The following FGFR4 variants were observed in gnomAD, a reference collection of about 807,000 sequenced individuals.
FGFR4 encodes the protein fibroblast growth factor receptor 4.
In FGFR4, 63 loss-of-function variants were observed where a neutral mutation model predicts 89.9. The ratio of observed to expected loss-of-function variants is 0.70; its 90% CI spans 0.57 to 0.86. The LOEUF is 0.86. Ranked by LOEUF, FGFR4 falls within the 40% of genes least tolerant of loss-of-function variation. FGFR4 has a pLI of 0.00. For missense variants in FGFR4, 928 were observed against 1,106.7 expected (o/e 0.84, Z 2.29); for synonymous variants, 486 against 479.4 (o/e 1.01, Z -0.18).
In FGFR4 at chr5:177,090,549, G is replaced by A. The variant is rs770732286; in HGVS notation, c.251G>A (p.Gly84Asp). The A allele has an allele frequency of 2.6e-6, 4 of 1,530,820 alleles. No homozygotes were observed. The highest frequency in any genetic ancestry group is 3.5e-6 in the Non-Finnish European group (4 of 1,141,010). 94.8% of individuals were successfully genotyped at this position (1,530,820 alleles called of 1,614,324 possible). ...GCTGGCCGTGTACGGGGCTGGAGGG[G>A]CCGCCTAGAGATTGCCAGCTTCCTA... The part of the protein sequence containing the change: ...APAGRVRGWR[G>D]RLEIASFLPE... Residue 84 changes from glycine to aspartate, a missense_variant, in exon 3 of 18, where the codon GGC becomes GAC. Gly to Asp is a moderately conservative substitution (Grantham distance 94, BLOSUM62 -1). This residue lies in a region of FGFR4 where 741 missense variants were observed against 836.9 expected (regional missense o/e 0.89). Coordinates refer to ENST00000292408, the MANE Select transcript of FGFR4 (RefSeq NM_213647.3).
intron 1 of FGFR4, among the ~76,000 whole-genome samples, chr5:177,088,685 G>A (rs1784240595): frequency 6.6e-6 from 1 of 152,204 alleles, no homozygotes; most frequent in Non-Finnish European, 1.5e-5. Context: ...ATAGCCAGCT[G>A]GGGTGTGTGT....
chr5:177,092,577 C>T (rs1302024019), intron 7 of FGFR4, 66 bp downstream of exon 7: 6 of 1,567,772 alleles, frequency 3.8e-6, no homozygotes, highest in African/African-American at 1.4e-5. Context: ...GGGGGCTCCC[C>T]AGCTTCCCTG....
Position 177,097,989 on chromosome 5 carries a change from C to T in FGFR4, c.*313C>T, listed in dbSNP as rs898618921. On this transcript the variant is annotated 3_prime_UTR_variant, in exon 18 of 18. Transcript: ENST00000292408. ...CAGCAGGAGGTTCTGGGCCTCTGAA[C>T]CCCCTTTCCCCACACCTCCCCCTGC... 5 of 311,050 alleles carry T rather than the reference C, an allele frequency of 1.6e-5. No individual in the cohort carries two copies. The highest frequency in any genetic ancestry group is 8.6e-4 in the Middle Eastern group (1 of 1,168). The allele number at this position is 311,050 out of a possible 1,614,324, so 19.3% of individuals were successfully genotyped here. A position where few individuals can be genotyped will look rare whatever the true frequency, so the allele number is the denominator to read the frequency against.
chr5:177,097,423 C>G, intron 17 of FGFR4, 26 bp downstream of exon 17: 1 of 1,600,088 alleles, frequency 6.2e-7, no homozygotes. Context: ...CCCACCACCT[C>G]CCTCTGCCTG....
At chr5:177,092,283 G>A (rs746589618) in intron 6 of FGFR4, 38 bp from the exon 7 acceptor site, 1 of 1,509,466 alleles carries the variant, frequency 6.6e-7, no homozygotes, top group Admixed American at 2.2e-5. Context: ...TTCTATGGGT[G>A]CCGGTGGTCA....
Position 177,093,869 on chromosome 5 carries a change from C to A in FGFR4, c.1519+94C>A. On this transcript the variant is annotated intron_variant, in intron 11 of 17. Transcript: ENST00000292408. This position sits in a 1 kb window ranked among gnomAD's most constrained non-coding sequence, Gnocchi z 5.8. ...ATCGCTTGAATCCAGGAATTCGAGG[C>A]CAGCCTGGGCAACATGGCAAGACTT... 7.2e-7 allele frequency: 1 copy of A among 1,396,710 alleles called. No homozygotes were observed. The highest frequency in any genetic ancestry group is 1.3e-5 in the South Asian group (1 of 75,412). The allele number at this position is 1,396,710 out of a possible 1,614,324, so 86.5% of individuals were successfully genotyped here.
chr5:177,088,084 A>G (rs1398479153), intron 1 of FGFR4, among the ~76,000 whole-genome samples: 3 of 151,200 alleles, frequency 2.0e-5, no homozygotes, highest in Admixed American at 1.3e-4. Flanking sequence ...ACGGAGTCTC[A>G]CTCTGTCGCC....
chr5:177,089,989 A>T (rs960228976), intron 2 of FGFR4: 1 of 668,670 alleles, frequency 1.5e-6, no homozygotes, highest in Admixed American at 2.1e-5. Context: ...TGTTCTGTGC[A>T]CTGGGTGTGT....
At position 177,091,110 on chromosome 5, in the gene FGFR4, T is replaced by G. The variant is rs777186373; in HGVS notation, c.603+6T>G. 35 of 1,559,764 alleles carry G rather than the reference T, an allele frequency of 2.2e-5. No individual in the cohort carries two copies. The South Asian group carries it at 3.9e-4, about 17-fold the overall frequency. Reference sequence around the variant, plus strand: ...ACCGCATTGGAGGCATTCGGGTGAGTCTCTGGGTTCCAAGACCGTCTGCTC... The same window carrying G: ...ACCGCATTGGAGGCATTCGGGTGAGGCTCTGGGTTCCAAGACCGTCTGCTC... On this transcript the variant is annotated splice_donor_region_variant and intron_variant, in intron 5 of 17. Coordinates refer to ENST00000292408, the MANE Select transcript of FGFR4 (RefSeq NM_213647.3).
At position 177,095,989 on chromosome 5, in the gene FGFR4, C is replaced by A; in HGVS notation, c.1822-68C>A. 1 of 1,564,188 alleles carries A rather than the reference C, an allele frequency of 6.4e-7. No homozygotes were observed. Among genetic ancestry groups the A allele is most frequent in the Non-Finnish European group, 8.7e-7 (1 of 1,154,588 alleles). ...TGGAGGGCCCCTGCCCCCGGGCCTG[C>A]TGGGGGGTGGTGTGTGCTCAACTCC... On this transcript the variant is annotated intron_variant, in intron 13 of 17. Transcript: ENST00000292408. This position sits in a 1 kb window ranked among gnomAD's most constrained non-coding sequence, Gnocchi z 5.7.
At chr5:177,088,715 A>T (rs1283276392) in intron 1 of FGFR4, among the ~76,000 whole-genome samples, 2 of 152,216 alleles carry the variant, frequency 1.3e-5, no homozygotes, top group Non-Finnish European at 2.9e-5. Context: ...CCTGACAGTA[A>T]CAGCATCCGA....
chr5:177,091,363 G>C (rs1213981062), intron 5 of FGFR4, among the ~76,000 whole-genome samples: 1 of 152,150 alleles, frequency 6.6e-6, no homozygotes, highest in Non-Finnish European at 1.5e-5. Context: ...ATAAGCCTTA[G>C]CATCTCATCG....
chr5:177,092,933 A>C, intron 8 of FGFR4, 149 bp downstream of exon 8: 1 of 1,379,370 alleles, frequency 7.2e-7, no homozygotes, highest in Non-Finnish European at 1.0e-6. Flanking sequence ...GCTGTATGAC[A>C]GCCCCTCTGT....
intron 11 of FGFR4, among the ~76,000 whole-genome samples, chr5:177,094,160 G>A (rs1013551244): frequency 6.6e-6 from 1 of 152,160 alleles, no homozygotes; most frequent in African/African-American, 2.4e-5. Flanking sequence ...GGGGCTCACG[G>A]TGCCACCAGG....
Position 177,095,556 on chromosome 5 carries a change from T to G in FGFR4, c.1654T>G (p.Cys552Gly). The change falls in exon 13 of 18, where the codon TGC becomes GGC. Residue 552 changes from cysteine (C) to glycine (G), a missense_variant. Physicochemically the swap from Cys to Gly is radical, Grantham distance 159. Transcript: ENST00000292408. This position sits in a 1 kb window ranked among gnomAD's most constrained non-coding sequence, Gnocchi z 5.7. The part of the protein sequence containing the change: ...QEGPLYVIVE[C>G]AAKGNLREFL... The stretch of plus-strand genomic sequence containing the variant: ...AGGGCCCCTGTACGTGATCGTGGAG[T>G]GCGCCGCCAAGGGAAACCTGCGGGA... The G allele has an allele frequency of 6.2e-7, 1 of 1,609,942 alleles. No individual in the cohort carries two copies. The highest frequency in any genetic ancestry group is 8.5e-7 in the Non-Finnish European group (1 of 1,178,322).
In FGFR4 at chr5:177,087,501, G is replaced by A. The variant is rs888169039; in HGVS notation, c.-54+424G>A. ...GTGCCCGGGGGCCTCCAGCGCGAGT[G>A]CGGGAGGCTGAAGGAGAACCCAGGA... On this transcript the variant is annotated intron_variant, in intron 1 of 17. Transcript: ENST00000292408. The surrounding 1 kb of genome is among the most constrained non-coding windows in gnomAD (Gnocchi z 6.1). The A allele has an allele frequency of 8.7e-5, 76 of 871,700 alleles. 1 individual carries two copies. In the Admixed American group the frequency reaches 1.1e-3, roughly 13 times the overall value. 54.0% of individuals were successfully genotyped at this position (871,700 alleles called of 1,614,324 possible).
In FGFR4 at chr5:177,097,731, C is replaced by A; in HGVS notation, c.*55C>A. 1 of 1,583,642 alleles carries A rather than the reference C, an allele frequency of 6.3e-7. No individual in the cohort carries two copies. Reference sequence around the variant, plus strand: ...GCTGGTGGCCTTGGGCCTTGGGGCTCAGCCACAGCCTGACACAGTGCTCGA... The same window carrying A: ...GCTGGTGGCCTTGGGCCTTGGGGCTAAGCCACAGCCTGACACAGTGCTCGA... On this transcript the variant is annotated 3_prime_UTR_variant, in exon 18 of 18. Coordinates refer to ENST00000292408, the MANE Select transcript of FGFR4 (RefSeq NM_213647.3).
rs550511792 is a variant in FGFR4 at position 177,095,605 on chromosome 5, C to A, written c.1703C>A (p.Pro568Gln). The A allele has an allele frequency of 1.6e-5, 26 of 1,605,630 alleles. No homozygotes were observed. The Admixed American group carries it at 2.2e-4, about 14-fold the overall frequency. ...LREFLRARRP[P>Q]GPDLSPDGPR... ...GAGTTCCTGCGGGCCCGGCGCCCCC[C>A]AGGCCCCGACCTCAGCCCCGACGGT... The change falls in exon 13 of 18, where the codon CCA becomes CAA. Residue 568 changes from proline to glutamine, a missense_variant. Physicochemically the swap from Pro to Gln is moderately conservative, Grantham distance 76 (BLOSUM62 -1). Around this residue, in one of 5 missense-constraint regions of FGFR4, gnomAD observed 741 missense variants for 836.9 expected, o/e 0.89. Transcript: ENST00000292408. This position sits in a 1 kb window ranked among gnomAD's most constrained non-coding sequence, Gnocchi z 5.7.
chr5:177,090,662 C>T lies in FGFR4; in HGVS notation c.355+9C>T. ...CACCTTGATTACAGGTGGTAAGAGACTCTAGCAGGGAGTGAAGGGATGCCT... is the reference window on the plus strand; with the variant it reads ...CACCTTGATTACAGGTGGTAAGAGATTCTAGCAGGGAGTGAAGGGATGCCT... On this transcript the variant is annotated intron_variant, in intron 3 of 17. Coordinates refer to ENST00000292408, the MANE Select transcript of FGFR4 (RefSeq NM_213647.3). 6.5e-7 allele frequency: 1 copy of T among 1,529,854 alleles called. No homozygotes were observed. The highest frequency in any genetic ancestry group is 8.8e-7 in the Non-Finnish European group (1 of 1,139,698). The allele number at this position is 1,529,854 out of a possible 1,614,324, so 94.8% of individuals were successfully genotyped here. A position where few individuals can be genotyped will look rare whatever the true frequency, so the allele number is the denominator to read the frequency against.
Sources: gnomAD v4.1 joint callset for allele counts (sites outside exome capture counted in the v4.1 genomes callset) on GRCh38, gnomAD v4.1.1 for gene constraint, gnomAD v4.1.1 regional missense constraint, Gnocchi (gnomAD v3.1) non-coding constraint, MANE v1.5 for transcripts, NCBI Gene and HGNC (gene_info 2026-07-23, HGNC 2026-07-21) for gene names.